TBC1D23: variants seen among roughly 807,000 people sequenced by gnomAD.
TBC1D23 encodes the protein HCV non-structural protein 4A-transactivated protein 1.
In TBC1D23, 55 loss-of-function variants were observed where a neutral mutation model predicts 91.4. The ratio of observed to expected loss-of-function variants is 0.60; its 90% CI spans 0.48 to 0.75. The LOEUF (loss-of-function observed/expected upper bound fraction) is 0.75. Ranked by LOEUF, TBC1D23 falls within the 30% of genes least tolerant of loss-of-function variation. The pLI is 0.00. For missense variants in TBC1D23, 725 were observed against 836.1 expected (o/e 0.87, Z 1.64); for synonymous variants, 289 against 281.0 (o/e 1.03, Z -0.28).
At chr3:100,265,202 C>T (rs1048525272) in intron 1 of TBC1D23, among the ~76,000 whole-genome samples, 25 of 152,136 alleles carry the variant, frequency 1.6e-4, no homozygotes, top group Admixed American at 7.2e-4. Context: ...AATGAATGTA[C>T]GCATGAATGA....
At chr3:100,300,213 T>C (rs1227806409) in intron 10 of TBC1D23, among the ~76,000 whole-genome samples, 3 of 152,176 alleles carry the variant, frequency 2.0e-5, no homozygotes, top group Non-Finnish European at 2.9e-5. Context: ...TCTGGGATCA[T>C]TAAAGCCTCA....
chr3:100,308,237 A>G (rs1210115885), intron 13 of TBC1D23, among the ~76,000 whole-genome samples: 3 of 152,238 alleles, frequency 2.0e-5, no homozygotes, highest in African/African-American at 4.8e-5. Flanking sequence ...GTACTTTGGG[A>G]GGCTGAGGCG....
At chr3:100,274,390 TTAAA>T (rs1203080599) in intron 1 of TBC1D23, among the ~76,000 whole-genome samples, 2 of 152,190 alleles carry the variant, frequency 1.3e-5, no homozygotes, top group Non-Finnish European at 2.9e-5. Context: ...TTATAATACG[TTAAA>T]TAGAGTTGAT....
At chr3:100,299,359 T>C in intron 10 of TBC1D23, 28 bp downstream of exon 10, 1 of 1,419,948 alleles carries the variant, frequency 7.0e-7, no homozygotes. Flanking sequence ...TTAATTATTC[T>C]TAAAGTAACT....
chr3:100,271,346 C>T lies in TBC1D23; in HGVS notation c.54-8303C>T, dbSNP rs373868304. Among the ~76,000 whole-genome samples the T allele has an allele frequency of 3.4e-4, 51 of 152,228 alleles. 2 individuals carry two copies. The South Asian group carries it at 6.6e-3, about 20-fold the overall frequency. ...TGGATGGAAAGGGAGAACGTGGAGA[C>T]GTTTTTGTGGTGGACATTGCTGTTT... On this transcript the variant is annotated intron_variant, in intron 1 of 18. Coordinates refer to ENST00000394144, the MANE Select transcript of TBC1D23 (RefSeq NM_001199198.3).
chr3:100,263,779 G>A (rs1040959285), intron 1 of TBC1D23, among the ~76,000 whole-genome samples: 5 of 152,150 alleles, frequency 3.3e-5, no homozygotes, highest in Admixed American at 3.3e-4. Flanking sequence ...GTGCCATGAG[G>A]GGAAATGTTT....
Position 100,295,109 on chromosome 3 carries a change from A to T in TBC1D23, c.623A>T (p.Tyr208Phe). The change falls in exon 6 of 19, where the codon TAC (tyrosine) becomes TTC (phenylalanine). Residue 208 changes from tyrosine to phenylalanine, a missense_variant. Transcript: ENST00000394144. ...CAGCTTGGAAGTCTTTTTGCATGTT[A>T]CTGTTCCACTGAAGTCACTCAGGCA... is the stretch of plus-strand genomic sequence containing the variant. The part of the protein sequence containing the change: ...LNWLGSLFAC[Y>F]CSTEVTQAIW... 1 of 1,597,256 alleles carries T rather than the reference A, an allele frequency of 6.3e-7. No individual in the cohort carries two copies. The highest frequency in any genetic ancestry group is 8.5e-7 in the Non-Finnish European group (1 of 1,175,302).
chr3:100,282,829 C>G (rs1007178466), intron 3 of TBC1D23, among the ~76,000 whole-genome samples: 4 of 152,098 alleles, frequency 2.6e-5, no homozygotes, highest in African/African-American at 9.7e-5. Context: ...TTTAGAAAAC[C>G]CTTTTGCTTC....
intron 1 of TBC1D23, among the ~76,000 whole-genome samples, chr3:100,275,590 T>A (rs1389268185): frequency 6.6e-6 from 1 of 152,206 alleles, no homozygotes; most frequent in African/African-American, 2.4e-5. Context: ...TTGGGTTTAG[T>A]TTTTGAGTGA....
chr3:100,274,472 A>G (rs1412023315), intron 1 of TBC1D23, among the ~76,000 whole-genome samples: 1 of 152,120 alleles, frequency 6.6e-6, no homozygotes, highest in African/African-American at 2.4e-5. Context: ...TTCAGTGTAC[A>G]TTAGTATTGA....
At chr3:100,319,420 C>A (rs1490826906) in intron 17 of TBC1D23, among the ~76,000 whole-genome samples, 2 of 147,862 alleles carry the variant, frequency 1.4e-5, no homozygotes, top group African/African-American at 4.9e-5. Context: ...CATTGAACAC[C>A]CTTATGATTC....
At chr3:100,301,642 A>G (rs1000948494) in intron 10 of TBC1D23, among the ~76,000 whole-genome samples, 3 of 152,248 alleles carry the variant, frequency 2.0e-5, no homozygotes, top group Non-Finnish European at 4.4e-5. Flanking sequence ...GCTGATAAAC[A>G]AATGCCTTCT....
At chr3:100,285,424 T>C (rs2067732037) in intron 4 of TBC1D23, among the ~76,000 whole-genome samples, 1 of 152,228 alleles carries the variant, frequency 6.6e-6, no homozygotes, top group South Asian at 2.1e-4. Flanking sequence ...ATTTCATTTC[T>C]TTTTTTGCCA....
At position 100,261,050 on chromosome 3, in the gene TBC1D23, C is replaced by T; in HGVS notation, c.32C>T (p.Pro11Leu). Reference protein sequence around the residue: MAEGEDVPPLPTSSGDGWEKD... With the variant: MAEGEDVPPLLTSSGDGWEKD... ...GAAGGAGAAGATGTGCCGCCGCTGCCAACGTCGAGCGGCGACGGCTGGTGA... is the reference window on the plus strand; with the variant it reads ...GAAGGAGAAGATGTGCCGCCGCTGCTAACGTCGAGCGGCGACGGCTGGTGA... Residue 11 changes from proline (P) to leucine (L), a missense_variant, in exon 1 of 19, where the codon CCA (proline) becomes CTA (leucine). Pro to Leu is a moderately conservative substitution (Grantham distance 98). Transcript: ENST00000394144. The T allele has an allele frequency of 1.2e-6, 2 of 1,613,926 alleles. No individual in the cohort carries two copies. Among genetic ancestry groups the T allele is most frequent in the Non-Finnish European group, 1.7e-6 (2 of 1,179,792 alleles).
intron 1 of TBC1D23, among the ~76,000 whole-genome samples, chr3:100,261,806 G>C (rs918697081): frequency 6.6e-6 from 1 of 152,156 alleles, no homozygotes; most frequent in Non-Finnish European, 1.5e-5. Flanking sequence ...TTTGGGAAAG[G>C]CTTCTACTTT....
intron 12 of TBC1D23, 24 bp downstream of exon 12, chr3:100,304,912 T>C (rs749770780): frequency 1.5e-6 from 2 of 1,306,200 alleles, no homozygotes; most frequent in Non-Finnish European, 2.2e-6. Flanking sequence ...TTATTAGTTT[T>C]TTTCCTCTAT....
rs111668271 is a variant in TBC1D23 at position 100,295,837 on chromosome 3, A to T, written c.773-335A>T. On this transcript the variant is annotated intron_variant, in intron 7 of 18. Coordinates refer to ENST00000394144, the MANE Select transcript of TBC1D23 (RefSeq NM_001199198.3). ...ATTTATTTTTATTTTTTCACACAAG[A>T]CAAAGTTCTTTAAGTCAGTAACTAT... Among the ~76,000 whole-genome samples, 288 of 152,352 alleles carry T rather than the reference A, an allele frequency of 1.9e-3. 1 individual carries two copies. Among genetic ancestry groups the T allele is most frequent in the Middle Eastern group, 0.017 (5 of 294 alleles).
intron 15 of TBC1D23, among the ~76,000 whole-genome samples, chr3:100,315,069 A>G (rs1335189683): frequency 6.6e-6 from 1 of 152,124 alleles, no homozygotes; most frequent in Non-Finnish European, 1.5e-5. Flanking sequence ...TTATATTCCA[A>G]AGAAAGGTCA....
Position 100,279,700 on chromosome 3 carries a change from G to A in TBC1D23, c.105G>A (p.Thr35=), listed in dbSNP as rs142033976. Residue 35 remains threonine (T), a synonymous_variant, in exon 2 of 19, where the codon ACG becomes ACA. Transcript: ENST00000394144. ...ALEAGGCDLE[T]LRNIIQGRPL... The stretch of plus-strand genomic sequence containing the variant: ...AAGCAGGAGGTTGTGATCTTGAAAC[G>A]TTGAGAAATATAATTCAAGGAAGAC... The A allele has an allele frequency of 2.1e-4, 335 of 1,609,444 alleles. 1 individual carries two copies. Among genetic ancestry groups the A allele is most frequent in the East Asian group, 4.5e-4 (20 of 44,778 alleles).
Sources: allele counts gnomAD v4.1 joint callset (sites outside exome capture counted in the v4.1 genomes callset), GRCh38; gene constraint gnomAD v4.1.1; transcripts MANE v1.5; gene names NCBI Gene and HGNC (gene_info 2026-07-23, HGNC 2026-07-21).